EPM2A: variants seen among roughly 807,000 people sequenced by gnomAD.
EPM2A encodes the protein EPM2A glucan phosphatase, laforin, also known as laforin.
In EPM2A, 21 loss-of-function variants were observed where a neutral mutation model predicts 26.5. The ratio of observed to expected loss-of-function variants is 0.79; its 90% CI spans 0.56 to 1.14. EPM2A has a LOEUF of 1.14. EPM2A is among the 50% of genes most tolerant of loss of function. The pLI is 0.00. For synonymous variants in EPM2A, 217 were observed against 177.6 expected (o/e 1.22, Z -1.76); for missense variants, 458 against 440.8 (o/e 1.04, Z -0.35).
At chr6:145,708,004 G>T (rs1200953701) in intron 1 of EPM2A, among the ~76,000 whole-genome samples, 1 of 152,204 alleles carries the variant, frequency 6.6e-6, no homozygotes, top group Non-Finnish European at 1.5e-5. Flanking sequence ...GACTGAGGTG[G>T]TCTCAGATGG....
rs530371072 is a variant in EPM2A at position 145,701,671 on chromosome 6, G to A, written c.302-15375C>T. ...AAGAAATCAGGATTCTGTTGGCTGC[G>A]GAGAGTGGAGAGAAACAAATAATGG... On this transcript the variant is annotated intron_variant, in intron 1 of 3. Coordinates refer to ENST00000367519, the MANE Select transcript of EPM2A (RefSeq NM_005670.4). Among the ~76,000 whole-genome samples, 45 of 152,256 alleles carry A rather than the reference G, an allele frequency of 3.0e-4. 1 individual carries two copies. The highest frequency in any genetic ancestry group is 3.2e-4 in the Non-Finnish European group (22 of 68,024).
chr6:145,623,144 C>T (rs181251701), downstream of EPM2A, among the ~76,000 whole-genome samples: 12 of 150,596 alleles, frequency 8.0e-5, no homozygotes, highest in East Asian at 1.5e-3. Context: ...CTGTTATAGG[C>T]ACTCCAGGTA....
chr6:145,383,581 G>C (rs1778219527), exon 5 of EPM2A: 2 of 152,058 alleles, frequency 1.3e-5, no homozygotes, highest in Non-Finnish European at 2.9e-5. Flanking sequence ...GCACCAAAGG[G>C]ATGGTGCTAA....
intron 2 of EPM2A, among the ~76,000 whole-genome samples, chr6:145,563,660 A>G (rs541477257): frequency 6.6e-6 from 1 of 152,170 alleles, no homozygotes; most frequent in Non-Finnish European, 1.5e-5. Flanking sequence ...GAATGTCTCT[A>G]ACATTATTTT....
intron 2 of EPM2A, among the ~76,000 whole-genome samples, chr6:145,593,933 G>C (rs1034329233): frequency 6.6e-6 from 1 of 151,518 alleles, no homozygotes; most frequent in Admixed American, 6.6e-5. Flanking sequence ...GAAAATCAAA[G>C]AAATTAAAAT....
At chr6:145,589,055 G>A (rs975025583) in intron 2 of EPM2A, among the ~76,000 whole-genome samples, 2 of 152,188 alleles carry the variant, frequency 1.3e-5, no homozygotes, top group Admixed American at 6.5e-5. Flanking sequence ...CCCAACCCTG[G>A]CTGTGATCTA....
At chr6:145,627,953 G>C (rs1166746652) in intron 3 of EPM2A, 2 of 518,762 alleles carry the variant, frequency 3.9e-6, no homozygotes, top group South Asian at 5.2e-5. Flanking sequence ...GGGTGACTTC[G>C]CCATCCATGC....
chr6:145,661,095 C>T (rs977782397), intron 2 of EPM2A, among the ~76,000 whole-genome samples: 3 of 151,700 alleles, frequency 2.0e-5, no homozygotes, highest in South Asian at 2.1e-4. Flanking sequence ...GGTGCGGGTC[C>T]GAGAAAGAAG....
chr6:145,616,411 T>C (rs1775513277), intron 2 of EPM2A, among the ~76,000 whole-genome samples: 1 of 152,220 alleles, frequency 6.6e-6, no homozygotes. Flanking sequence ...AGAGGTGTGC[T>C]GCAGGGGCAG....
At chr6:145,647,914 A>C (rs942841199) in intron 2 of EPM2A, among the ~76,000 whole-genome samples, 2 of 152,234 alleles carry the variant, frequency 1.3e-5, no homozygotes, top group Non-Finnish European at 2.9e-5. Context: ...GCTCAAAATA[A>C]CAATTTTCTC....
At chr6:145,549,155 A>T (rs1296167258) in intron 2 of EPM2A, among the ~76,000 whole-genome samples, 1 of 152,104 alleles carries the variant, frequency 6.6e-6, no homozygotes, top group Non-Finnish European at 1.5e-5. Flanking sequence ...GCAAGAGGCC[A>T]AAGCCCCAAA....
intron 2 of EPM2A, among the ~76,000 whole-genome samples, chr6:145,573,617 T>C (rs993771323): frequency 1.4e-4 from 21 of 152,204 alleles, no homozygotes; most frequent in African/African-American, 5.1e-4. Context: ...AGGGATGCAA[T>C]ATTGTTTTCG....
At chr6:145,506,108 A>G (rs1394152891) in intron 2 of EPM2A, among the ~76,000 whole-genome samples, 2 of 152,216 alleles carry the variant, frequency 1.3e-5, no homozygotes, top group African/African-American at 4.8e-5. Flanking sequence ...AATGATGGAA[A>G]AAAAGAGACA....
At chr6:145,584,373 T>A (rs1028110574) in intron 2 of EPM2A, among the ~76,000 whole-genome samples, 1 of 151,590 alleles carries the variant, frequency 6.6e-6, no homozygotes, top group African/African-American at 2.4e-5. Flanking sequence ...CTGGAAGAGG[T>A]TGGCAGACAG....
chr6:145,689,102 CATCTTCATAA>C (rs1781115597), intron 1 of EPM2A, among the ~76,000 whole-genome samples: 2 of 152,132 alleles, frequency 1.3e-5, no homozygotes, highest in Admixed American at 6.5e-5. Flanking sequence ...TATGTGTCAT[CATCTTCATAA>C]GAATTCTTCA....
chr6:145,400,088 T>G (rs2047357940), intron 4 of EPM2A, among the ~76,000 whole-genome samples: 1 of 152,166 alleles, frequency 6.6e-6, no homozygotes, highest in African/African-American at 2.4e-5. Flanking sequence ...AACATTTAAT[T>G]GGTTGTAATT....
chr6:145,511,700 A>T (rs951981725), intron 2 of EPM2A, among the ~76,000 whole-genome samples: 1 of 151,918 alleles, frequency 6.6e-6, no homozygotes, highest in Non-Finnish European at 1.5e-5. Context: ...AAGAAGTGAG[A>T]TGAGACAAAG....
chr6:145,735,746 G>T (rs1776846117), upstream of EPM2A: 2 of 640,248 alleles, frequency 3.1e-6, no homozygotes, highest in Non-Finnish European at 4.0e-6. Flanking sequence ...CCCCGCGGGC[G>T]GTTGATTTCC....
intron 2 of EPM2A, among the ~76,000 whole-genome samples, chr6:145,655,560 C>T (rs1778216599): frequency 6.6e-6 from 1 of 151,896 alleles, no homozygotes. Context: ...TTTATATTTA[C>T]AAAACAAAAT....
Sources: allele counts gnomAD v4.1 joint callset (sites outside exome capture counted in the v4.1 genomes callset), GRCh38; gene constraint gnomAD v4.1.1; transcripts MANE v1.5; gene names NCBI Gene and HGNC (gene_info 2026-07-23, HGNC 2026-07-21).